ADD2: variants seen among roughly 807,000 people sequenced by gnomAD.
ADD2 encodes adducin 2.
A neutral mutation model predicts 83.0 loss-of-function variants in ADD2; 23 were observed. The observed-to-expected ratio is 0.28, with a 90% CI of 0.20 to 0.39. The LOEUF (loss-of-function observed/expected upper bound fraction) is 0.39. Among genes scored for constraint, ADD2 ranks in the 10% least tolerant of loss-of-function variants. ADD2 has a pLI of 1.00. For synonymous variants in ADD2, 375 were observed against 375.4 expected, an observed-to-expected ratio of 1.00 and a Z score of 0.01; for missense variants, 758 against 944.9, an observed-to-expected ratio of 0.80 and a Z score of 2.59.
intron 1 of ADD2, among the ~76,000 whole-genome samples, chr2:70,764,580 T>A (rs934812698): frequency 6.6e-6 from 1 of 151,922 alleles, no homozygotes; most frequent in Non-Finnish European, 1.5e-5. Flanking sequence ...AGCCTTGCCA[T>A]CAAGATGATC....
At chr2:70,726,117 G>C (rs1041156851) in intron 1 of ADD2, among the ~76,000 whole-genome samples, 18 of 147,356 alleles carry the variant, frequency 1.2e-4, no homozygotes, top group African/African-American at 3.0e-4. Flanking sequence ...AACCCAGGAG[G>C]CGGAGCTTGC....
chr2:70,759,599 G>A (rs1674979394), intron 1 of ADD2, among the ~76,000 whole-genome samples: 2 of 152,106 alleles, frequency 1.3e-5, no homozygotes, highest in South Asian at 4.2e-4. Flanking sequence ...TCATTCCCAT[G>A]ACAGCTGGTT....
At chr2:70,721,548 C>G (rs1379539523) in intron 1 of ADD2, among the ~76,000 whole-genome samples, 2 of 152,166 alleles carry the variant, frequency 1.3e-5, no homozygotes, top group African/African-American at 4.8e-5. Context: ...TAATTGTTTT[C>G]CTTTATTCTC....
intron 4 of ADD2, among the ~76,000 whole-genome samples, chr2:70,703,207 CGAAA>C (rs1281443905): frequency 2.7e-5 from 4 of 147,700 alleles, no homozygotes. Flanking sequence ...GAAAAGAAAA[CGAAA>C]GAAAGAGAAA....
intron 9 of ADD2, among the ~76,000 whole-genome samples, chr2:70,684,593 T>TC (rs1159159381): frequency 4.6e-5 from 7 of 152,162 alleles, no homozygotes; most frequent in African/African-American, 1.7e-4. Context: ...ATAGGCTGGC[T>TC]CCCAAGCCAA....
intron 13 of ADD2, chr2:70,675,302 C>G (rs1301529807): frequency 1.0e-6 from 1 of 989,164 alleles, no homozygotes; most frequent in Admixed American, 5.9e-5. Context: ...GTTATATGCA[C>G]AACACACAGC....
chr2:70,696,936 G>A (rs1354761032), intron 4 of ADD2, among the ~76,000 whole-genome samples: 2 of 152,150 alleles, frequency 1.3e-5, no homozygotes, highest in African/African-American at 4.8e-5. Flanking sequence ...CGAGGCGGGC[G>A]GATCACAAGG....
chr2:70,708,319 C>T (rs1553374899), intron 2 of ADD2, among the ~76,000 whole-genome samples: 1 of 152,174 alleles, frequency 6.6e-6, no homozygotes, highest in African/African-American at 2.4e-5. Context: ...CAGCCTAGAG[C>T]AGTGGTTCTC....
In ADD2 at chr2:70,706,291, C is replaced by G; in HGVS notation, c.118G>C (p.Asp40His). The change falls in exon 3 of 16, where the codon GAC (aspartate) becomes CAC (histidine). Residue 40 changes from aspartate to histidine, a missense_variant. Physicochemically the swap from Asp to His is moderately conservative, Grantham distance 81. Transcript: ENST00000264436. This position sits in a 1 kb window ranked among gnomAD's most constrained non-coding sequence, Gnocchi z 5.0. ...EYMRLRNRAADLRQDFNLMEQ... is the reference protein window; with the variant it reads ...EYMRLRNRAAHLRQDFNLMEQ... ...ATCAGGTTGAAGTCCTGCCGCAGGT[C>G]CGCCGCCCGGTTGCGAAGGCGCATG... 6.2e-7 allele frequency: 1 copy of G among 1,614,132 alleles called. No individual in the cohort carries two copies. Among genetic ancestry groups the G allele is most frequent in the Non-Finnish European group, 8.5e-7 (1 of 1,180,012 alleles).
At chr2:70,716,816 A>G (rs1023497141) in intron 1 of ADD2, among the ~76,000 whole-genome samples, 1 of 152,130 alleles carries the variant, frequency 6.6e-6, no homozygotes, top group African/African-American at 2.4e-5. Context: ...TCAGTGCCCA[A>G]ATCACCTCTT....
rs782247573 is a variant in ADD2, at chr2:70,723,206, A to T, written c.-153-10022T>A. Among the ~76,000 whole-genome samples the T allele has an allele frequency of 1.6e-4, 24 of 152,082 alleles. 1 individual carries two copies. The highest frequency in any genetic ancestry group is 1.1e-3 in the Admixed American group (17 of 15,278). The stretch of plus-strand genomic sequence containing the variant: ...TATGTGACCTTGAACAAGTTGCTTA[A>T]TTTTTCTAAACCTCAGGTTCTTTGT... On this transcript the variant is annotated intron_variant, in intron 1 of 15. Coordinates refer to ENST00000264436, the MANE Select transcript of ADD2 (RefSeq NM_001617.4).
At chr2:70,704,830 T>G (rs1382001317) in intron 3 of ADD2, among the ~76,000 whole-genome samples, 1 of 152,152 alleles carries the variant, frequency 6.6e-6, no homozygotes, top group African/African-American at 2.4e-5. Context: ...ACCATCCCTC[T>G]CCATTAGCGA....
intron 8 of ADD2, among the ~76,000 whole-genome samples, chr2:70,689,842 A>C (rs1439890423): frequency 6.6e-6 from 1 of 152,166 alleles, no homozygotes; most frequent in Non-Finnish European, 1.5e-5. Flanking sequence ...TTTCTCTTGC[A>C]AGCTAGTGGA....
At chr2:70,739,564 A>G (rs1368666643) in intron 1 of ADD2, among the ~76,000 whole-genome samples, 1 of 152,260 alleles carries the variant, frequency 6.6e-6, no homozygotes, top group Admixed American at 6.5e-5. Flanking sequence ...TCATTCTACC[A>G]TGAAGACACA....
intron 1 of ADD2, among the ~76,000 whole-genome samples, chr2:70,714,277 G>A (rs1013789961): frequency 4.6e-5 from 7 of 152,166 alleles, no homozygotes; most frequent in Non-Finnish European, 8.8e-5. Flanking sequence ...CAGCATCCCT[G>A]AGTACCCCCA....
rs1163394657 is a variant in ADD2, at chr2:70,658,666, TGAGA to T, written c.*4755_*4758del. On this transcript the variant is annotated 3_prime_UTR_variant, in exon 16 of 16. Coordinates refer to ENST00000264436, the MANE Select transcript of ADD2 (RefSeq NM_001617.4). The stretch of plus-strand genomic sequence containing the variant: ...TTAGAGTTCAACTGAGCTCCAGTGA[TGAGA>T]GAGAATGTAAAAAGACCTGTTTCCT... The T allele has an allele frequency of 6.6e-6, 1 of 152,244 alleles. No homozygotes were observed. The highest frequency in any genetic ancestry group is 2.4e-5 in the African/African-American group (1 of 41,542). 9.4% of individuals were successfully genotyped at this position (152,244 alleles called of 1,614,324 possible).
intron 4 of ADD2, among the ~76,000 whole-genome samples, chr2:70,701,011 A>T (rs1553373429): frequency 6.6e-6 from 1 of 152,080 alleles, no homozygotes; most frequent in Non-Finnish European, 1.5e-5. Context: ...TCTTATTTAA[A>T]CTATATCAGG....
At chr2:70,763,939 G>A (rs1675248549) in intron 1 of ADD2, among the ~76,000 whole-genome samples, 1 of 151,300 alleles carries the variant, frequency 6.6e-6, no homozygotes, top group South Asian at 2.1e-4. Flanking sequence ...CCAGGCTGGA[G>A]TGCAGTGGTG....
intron 15 of ADD2, among the ~76,000 whole-genome samples, chr2:70,664,274 C>T (rs182069905): frequency 2.0e-5 from 3 of 152,296 alleles, no homozygotes; most frequent in East Asian, 3.9e-4. Context: ...ATAACACAGA[C>T]CCCATATTTC....
Sources: gnomAD v4.1 joint callset for allele counts (sites outside exome capture counted in the v4.1 genomes callset) on GRCh38, gnomAD v4.1.1 for gene constraint, Gnocchi (gnomAD v3.1) non-coding constraint, MANE v1.5 for transcripts, NCBI Gene and HGNC (gene_info 2026-07-23, HGNC 2026-07-21) for gene names.